PTPRS: variants seen among roughly 807,000 people sequenced by gnomAD.
PTPRS encodes receptor-type tyrosine-protein phosphatase S.
Under a neutral mutation model 215.3 loss-of-function variants are expected in PTPRS, and 63 were observed. That is an observed-to-expected ratio of 0.29 (90% CI 0.24 to 0.36). The LOEUF (loss-of-function observed/expected upper bound fraction) is 0.36. PTPRS is among the 10% of genes least tolerant of loss of function. The probability of loss-of-function intolerance (pLI) is 1.00; values close to 1 mark genes in which losing one functional copy is unlikely to be tolerated. For synonymous variants in PTPRS, 1,404 were observed against 1,191.4 expected, an observed-to-expected ratio of 1.18 and a Z score of -3.68; for missense variants, 2,258 against 2,825.8, an observed-to-expected ratio of 0.80 and a Z score of 4.56.
chr19:5,321,441 G>A (rs1199107993), intron 1 of PTPRS, among the ~76,000 whole-genome samples: 1 of 152,214 alleles, frequency 6.6e-6, no homozygotes, highest in Non-Finnish European at 1.5e-5. Context: ...CCCTCAAGGG[G>A]GAAGCGATTT....
In PTPRS at chr19:5,231,578, G is replaced by A. The variant is rs1265045807; in HGVS notation, c.1887C>T (p.Ser629=). ...SAPPQDVKCV[S]VRSTAILVSW... is the part of the protein sequence containing the mutation. ...TTACCAAAATGGCCGTGGAGCGCAC[G>A]CTGACACATTTAACGTCTTGAGGGG... The change falls in exon 14 of 38, where the codon AGC becomes AGT. Residue 629 remains serine (S), a synonymous_variant. Transcript: ENST00000262963. 2.5e-6 allele frequency: 4 copies of A among 1,596,376 alleles called. No homozygotes were observed. The highest frequency in any genetic ancestry group is 1.1e-5 in the South Asian group (1 of 89,728).
At chr19:5,313,333 G>C (rs1225544019) in intron 1 of PTPRS, among the ~76,000 whole-genome samples, 2 of 152,208 alleles carry the variant, frequency 1.3e-5, no homozygotes, top group East Asian at 3.9e-4. Flanking sequence ...GCAGAGACAG[G>C]GGTGTACCCA....
At chr19:5,334,273 C>T (rs561939074) in intron 1 of PTPRS, among the ~76,000 whole-genome samples, 2 of 152,374 alleles carry the variant, frequency 1.3e-5, no homozygotes, top group Non-Finnish European at 2.9e-5. Flanking sequence ...CGGGTGGACA[C>T]TGGAGAGCCC....
In PTPRS at chr19:5,229,589, CGTG is replaced by C; in HGVS notation, c.2248_2250del (p.His750del). On this transcript the variant is annotated inframe_deletion, in exon 15 of 38. Coordinates refer to ENST00000262963, the MANE Select transcript of PTPRS (RefSeq NM_002850.4). ...TGGACCTGGTAGCCGCGGATCTGGCCGTGCTGCCGGCCGGGCGCGGGCGAGCGC... is the reference window on the plus strand; with the variant it reads ...TGGACCTGGTAGCCGCGGATCTGGCCCTGCCGGCCGGGCGCGGGCGAGCGC... The C allele has an allele frequency of 7.0e-7, 1 of 1,434,696 alleles. No homozygotes were observed. The highest frequency in any genetic ancestry group is 9.1e-7 in the Non-Finnish European group (1 of 1,094,240). 88.9% of individuals were successfully genotyped at this position (1,434,696 alleles called of 1,614,324 possible). A position where few individuals can be genotyped will look rare whatever the true frequency, so the allele number is the denominator to read the frequency against.
chr19:5,212,562 G>T, intron 30 of PTPRS, 71 bp from the exon 31 acceptor site: 1 of 1,508,500 alleles, frequency 6.6e-7, no homozygotes, highest in Admixed American at 2.0e-5. Context: ...ATGCCCAAGT[G>T]GCCGGGTGTG....
chr19:5,219,290 G>A lies in PTPRS; in HGVS notation c.3923+20C>T, dbSNP rs370514110. 43 of 1,613,496 alleles carry A rather than the reference G, an allele frequency of 2.7e-5. No individual in the cohort carries two copies. Among genetic ancestry groups the A allele is most frequent in the East Asian group, 1.6e-4 (7 of 44,886 alleles). ...GCCCTCCCTGCTGTCAAGTCAAGTC[G>A]GGGAGGACATGGGGCTTACTTCTTG... On this transcript the variant is annotated intron_variant, in intron 23 of 37. Coordinates refer to ENST00000262963, the MANE Select transcript of PTPRS (RefSeq NM_002850.4).
At chr19:5,218,869 A>G (rs1040831807) in intron 23 of PTPRS, 71 bp from the exon 24 acceptor site, 5 of 1,489,124 alleles carry the variant, frequency 3.4e-6, no homozygotes, top group Non-Finnish European at 4.6e-6. Context: ...CCGGCCATCA[A>G]GGGCTTGTTC....
chr19:5,236,088 C>T (rs2043418404), intron 13 of PTPRS, among the ~76,000 whole-genome samples: 1 of 152,198 alleles, frequency 6.6e-6, no homozygotes, highest in South Asian at 2.1e-4. Flanking sequence ...CACTCCCCAC[C>T]CGCCACCCCG....
At position 5,231,485 on chromosome 19, in the gene PTPRS, C is replaced by G. The variant is rs201293911; in HGVS notation, c.1980G>C (p.Pro660=). 188 of 1,612,752 alleles carry G rather than the reference C, an allele frequency of 1.2e-4. 1 individual carries two copies. The East Asian group carries it at 3.1e-3, about 26-fold the overall frequency. ...TGGGTTCCGGGTCCTCTGAGCCCAG[C>G]GGTCGGTAGCGGACGCTGTAGCCCA... The part of the protein sequence containing the change: ...ALVGYSVRYR[P]LGSEDPEPKE... The change falls in exon 14 of 38, where the codon CCG becomes CCC. Residue 660 remains proline, a synonymous_variant. Transcript: ENST00000262963.
At chr19:5,258,214 C>A (rs747029736) in intron 7 of PTPRS, 87 bp from the exon 8 acceptor site, 14 of 1,106,420 alleles carry the variant, frequency 1.3e-5, no homozygotes, top group Non-Finnish European at 1.9e-5. Flanking sequence ...TGCTCTCTGG[C>A]CTGTCTCCTG....
intron 1 of PTPRS, among the ~76,000 whole-genome samples, chr19:5,330,028 G>A (rs1467026664): frequency 6.9e-6 from 1 of 144,696 alleles, no homozygotes; most frequent in Non-Finnish European, 1.5e-5. Flanking sequence ...CGTGAGCCGA[G>A]ATCACGCCAT....
chr19:5,317,040 C>A (rs1238565088), intron 1 of PTPRS, among the ~76,000 whole-genome samples: 2 of 152,196 alleles, frequency 1.3e-5, no homozygotes, highest in African/African-American at 4.8e-5. Context: ...CCTCCCATGG[C>A]CCAAACATCA....
chr19:5,245,565 T>C (rs1479919033), intron 10 of PTPRS, among the ~76,000 whole-genome samples: 1 of 152,212 alleles, frequency 6.6e-6, no homozygotes, highest in Non-Finnish European at 1.5e-5. Context: ...AGTGCTGGGA[T>C]TACAGGCGTG....
chr19:5,207,707 T>G (rs1568354755), intron 37 of PTPRS, among the ~76,000 whole-genome samples: 1 of 152,194 alleles, frequency 6.6e-6, no homozygotes, highest in Non-Finnish European at 1.5e-5. Context: ...CTCTGTCCAC[T>G]CCAAGGGCCA....
Position 5,221,300 on chromosome 19 carries a change from T to C in PTPRS, c.3202-47A>G, listed in dbSNP as rs764929363. ...GCAGGGCCTGGTGGGCTCATGCCCA[T>C]GGACTGAGCCCCAGCTCCAGGATGA... On this transcript the variant is annotated intron_variant, in intron 19 of 37. Coordinates refer to ENST00000262963, the MANE Select transcript of PTPRS (RefSeq NM_002850.4). 6 of 1,571,108 alleles carry C rather than the reference T, an allele frequency of 3.8e-6. No homozygotes were observed. The South Asian group carries it at 4.7e-5, about 12-fold the overall frequency.
chr19:5,268,147 G>A (rs987679126), intron 4 of PTPRS, among the ~76,000 whole-genome samples: 5 of 152,050 alleles, frequency 3.3e-5, no homozygotes, highest in African/African-American at 1.2e-4. Context: ...TCCAGCCTGG[G>A]CGACAGAGCA....
In PTPRS at chr19:5,287,265, G is replaced by T. The variant is rs148800826; in HGVS notation, c.-94-1031C>A. On this transcript the variant is annotated intron_variant, in intron 1 of 37. Transcript: ENST00000262963. The surrounding 1 kb of genome is among the most constrained non-coding windows in gnomAD (Gnocchi z 4.8). ...AGGAAACCCTTCTCTGCCCCTCAAA[G>T]GTCAATTCCCCCTACATTCTACATC... Among the ~76,000 whole-genome samples, 1 of 152,152 alleles carries T rather than the reference G, an allele frequency of 6.6e-6. No homozygotes were observed. Among genetic ancestry groups the T allele is most frequent in the Non-Finnish European group, 1.5e-5 (1 of 68,036 alleles).
In PTPRS at chr19:5,244,508, C is replaced by T. The variant is rs771456665; in HGVS notation, c.989-26G>A. The T allele has an allele frequency of 3.5e-5, 55 of 1,587,760 alleles. No individual in the cohort carries two copies. The highest frequency in any genetic ancestry group is 3.4e-5 in the South Asian group (3 of 88,884). On this transcript the variant is annotated intron_variant, in intron 10 of 37. Coordinates refer to ENST00000262963, the MANE Select transcript of PTPRS (RefSeq NM_002850.4). This position sits in a 1 kb window ranked among gnomAD's most constrained non-coding sequence, Gnocchi z 7.2. ...CTGTGGGCAGGAGGCAGCTGTGTCA[C>T]GCATTGGGCACATTGGTTGAGGACC...
intron 1 of PTPRS, among the ~76,000 whole-genome samples, chr19:5,306,910 G>A (rs1445982242): frequency 6.6e-6 from 1 of 152,120 alleles, no homozygotes; most frequent in Non-Finnish European, 1.5e-5. Flanking sequence ...AAATCTACCC[G>A]GCAGACACTT....
Sources: gnomAD v4.1 joint callset for allele counts (sites outside exome capture counted in the v4.1 genomes callset) on GRCh38, gnomAD v4.1.1 for gene constraint, Gnocchi (gnomAD v3.1) non-coding constraint, MANE v1.5 for transcripts, NCBI Gene and HGNC (gene_info 2026-07-23, HGNC 2026-07-21) for gene names.